SPIN1: variants seen among roughly 807,000 people sequenced by gnomAD.
SPIN1 encodes the protein spindlin 1.
In SPIN1, 3 loss-of-function variants were observed where a neutral mutation model predicts 26.0. That is an observed-to-expected ratio of 0.12 (90% confidence interval 0.05 to 0.30). The LOEUF (loss-of-function observed/expected upper bound fraction) is 0.30. SPIN1 is among the 10% of genes least tolerant of loss of function. The pLI is 1.00. For missense variants in SPIN1, 126 were observed against 333.4 expected (o/e 0.38, Z 4.84); for synonymous variants, 101 against 116.5 (o/e 0.87, Z 0.86).
chr9:88,411,607 G>A (rs1246861706), intron 1 of SPIN1: 3 of 542,038 alleles, frequency 5.5e-6, no homozygotes, highest in African/African-American at 1.9e-5. Flanking sequence ...TTGGCCTCCT[G>A]GGCTCAAGCT....
chr9:88,474,396 A>C (rs11142312), intron 5 of SPIN1, among the ~76,000 whole-genome samples: 6 of 152,152 alleles, frequency 3.9e-5, no homozygotes, highest in Non-Finnish European at 5.9e-5. Flanking sequence ...CCTTTTAAAC[A>C]GTACAGATGC....
chr9:88,465,313 A>G (rs1193863457), intron 4 of SPIN1, among the ~76,000 whole-genome samples: 1 of 152,186 alleles, frequency 6.6e-6, no homozygotes, highest in Non-Finnish European at 1.5e-5. Context: ...GCTGGATCAT[A>G]TGGTAATTAT....
At chr9:88,438,150 CAAA>C (rs201459647) in intron 2 of SPIN1, among the ~76,000 whole-genome samples, 3 of 124,576 alleles carry the variant, frequency 2.4e-5, no homozygotes, top group Non-Finnish European at 1.7e-5. Flanking sequence ...GACCCTGTCT[CAAA>C]AAAAAAAAAA....
chr9:88,396,041 C>T (rs140034366), intron 1 of SPIN1, among the ~76,000 whole-genome samples: 6 of 151,300 alleles, frequency 4.0e-5, no homozygotes, highest in African/African-American at 2.4e-5. Flanking sequence ...AGGGAGACTC[C>T]GTCTCAAAAA....
At chr9:88,404,806 C>T (rs1827259837) in intron 1 of SPIN1, among the ~76,000 whole-genome samples, 1 of 151,560 alleles carries the variant, frequency 6.6e-6, no homozygotes, top group Non-Finnish European at 1.5e-5. Context: ...ATCCCAGCTA[C>T]TCGGGAGGCT....
chr9:88,411,320 T>G lies in SPIN1; in HGVS notation c.-158-15062T>G, dbSNP rs187287381. The G allele has an allele frequency of 1.0e-4, 148 of 1,421,070 alleles. 1 individual carries two copies. In the African/African-American group the frequency reaches 1.8e-3, roughly 17 times the overall value. The allele number at this position is 1,421,070 out of a possible 1,614,324, so 88.0% of individuals were successfully genotyped here. Reference sequence around the variant, plus strand: ...GCCCCTGGAGCACTTGGTGTTTGGATCTCTCATTACCACACAGTCCGTGAG... The same window carrying G: ...GCCCCTGGAGCACTTGGTGTTTGGAGCTCTCATTACCACACAGTCCGTGAG... On this transcript the variant is annotated intron_variant, in intron 1 of 5. Coordinates refer to ENST00000375859, the MANE Select transcript of SPIN1 (RefSeq NM_006717.3).
chr9:88,448,538 A>G (rs1450551003), intron 2 of SPIN1, among the ~76,000 whole-genome samples: 2 of 151,702 alleles, frequency 1.3e-5, no homozygotes, highest in Non-Finnish European at 2.9e-5. Context: ...TTGTAGAGAC[A>G]AGGTCTTGCT....
Position 88,476,845 on chromosome 9 carries a change from G to A in SPIN1, c.*1568G>A, listed in dbSNP as rs896181902. The A allele has an allele frequency of 6.6e-6, 1 of 152,158 alleles. No homozygotes were observed. The highest frequency in any genetic ancestry group is 1.5e-5 in the Non-Finnish European group (1 of 68,038). The allele number at this position is 152,158 out of a possible 1,614,324, so 9.4% of individuals were successfully genotyped here. On this transcript the variant is annotated 3_prime_UTR_variant, in exon 6 of 6. Coordinates refer to ENST00000375859, the MANE Select transcript of SPIN1 (RefSeq NM_006717.3). Reference sequence around the variant, plus strand: ...CCTGATATTTGGGCAGAGCCTAAACGTGCATGCTTGTCACTCAAACACCAG... The same window carrying A: ...CCTGATATTTGGGCAGAGCCTAAACATGCATGCTTGTCACTCAAACACCAG...
At chr9:88,389,492 C>T (rs1241982999) in intron 1 of SPIN1, 1 of 151,356 alleles carries the variant, frequency 6.6e-6, no homozygotes, top group African/African-American at 2.4e-5. Flanking sequence ...TACATTTATT[C>T]TCTTTTTACT....
chr9:88,439,184 A>G (rs1388014146), intron 2 of SPIN1, among the ~76,000 whole-genome samples: 2 of 152,234 alleles, frequency 1.3e-5, no homozygotes, highest in Non-Finnish European at 2.9e-5. Flanking sequence ...TGTGCTGCTT[A>G]GATATCCTGA....
intron 2 of SPIN1, among the ~76,000 whole-genome samples, chr9:88,442,545 T>C (rs1271926918): frequency 6.6e-6 from 1 of 151,396 alleles, no homozygotes; most frequent in Admixed American, 6.6e-5. Flanking sequence ...CTGGGATTAC[T>C]GGTTAATTTT....
intron 2 of SPIN1, among the ~76,000 whole-genome samples, chr9:88,432,415 T>G (rs891629758): frequency 9.9e-5 from 15 of 151,838 alleles, no homozygotes; most frequent in Non-Finnish European, 1.6e-4. Flanking sequence ...CTCGAACTCC[T>G]GACCTCAGGT....
At chr9:88,451,122 A>C (rs921517389) in intron 3 of SPIN1, among the ~76,000 whole-genome samples, 4 of 151,966 alleles carry the variant, frequency 2.6e-5, no homozygotes, top group Middle Eastern at 3.4e-3. Context: ...TAAAAAAAAA[A>C]CAGAACTATA....
intron 5 of SPIN1, among the ~76,000 whole-genome samples, chr9:88,470,702 C>G (rs1828765448): frequency 6.6e-6 from 1 of 151,394 alleles, no homozygotes; most frequent in Non-Finnish European, 1.5e-5. Context: ...TCAAGCCATT[C>G]TCCTGCCTCA....
At chr9:88,394,775 C>T (rs1323736199) in intron 1 of SPIN1, among the ~76,000 whole-genome samples, 1 of 145,004 alleles carries the variant, frequency 6.9e-6, no homozygotes. Context: ...GAAATTCTTC[C>T]TTTAAGAATT....
chr9:88,419,865 G>A (rs1408195766), intron 1 of SPIN1, among the ~76,000 whole-genome samples: 1 of 152,228 alleles, frequency 6.6e-6, no homozygotes, highest in Non-Finnish European at 1.5e-5. Flanking sequence ...AAACTGAGGT[G>A]TTATCGGACC....
At chr9:88,447,167 T>G (rs530936728) in intron 2 of SPIN1, among the ~76,000 whole-genome samples, 24 of 152,328 alleles carry the variant, frequency 1.6e-4, no homozygotes, top group African/African-American at 5.8e-4. Flanking sequence ...AGGTCACTGC[T>G]CTTTGTATCT....
At chr9:88,393,371 A>G (rs1208062680) in intron 1 of SPIN1, among the ~76,000 whole-genome samples, 1 of 148,878 alleles carries the variant, frequency 6.7e-6, no homozygotes, top group Non-Finnish European at 1.5e-5. Flanking sequence ...ATCATATCAT[A>G]TATTTGAATT....
chr9:88,450,302 A>T (rs1828331048), intron 3 of SPIN1, among the ~76,000 whole-genome samples: 2 of 152,236 alleles, frequency 1.3e-5, no homozygotes, highest in African/African-American at 4.8e-5. Context: ...GACAAAGGCA[A>T]GTTAAACCTT....
Sources: gnomAD v4.1 joint callset for allele counts (sites outside exome capture counted in the v4.1 genomes callset) on GRCh38, gnomAD v4.1.1 for gene constraint, MANE v1.5 for transcripts, NCBI Gene and HGNC (gene_info 2026-07-23, HGNC 2026-07-21) for gene names.